The following SH2B1 variants were observed in gnomAD, a reference collection of about 807,000 sequenced individuals.
The protein encoded by SH2B1 is SH2B adapter protein 1.
SH2B1 carries 15 observed loss-of-function variants against 62.6 expected under a neutral mutation model. The observed-to-expected ratio is 0.24, with a 90% CI of 0.16 to 0.37. The LOEUF (loss-of-function observed/expected upper bound fraction) is 0.37. SH2B1 is among the 10% of genes least tolerant of loss of function. The pLI is 1.00. For missense variants in SH2B1, 925 were observed against 1,015.6 expected, an observed-to-expected ratio of 0.91 and a Z score of 1.21; for synonymous variants, 443 against 438.0, an observed-to-expected ratio of 1.01 and a Z score of -0.14.
At chr16:28,860,816 GT>G (rs57425948), upstream of SH2B1, among the ~76,000 whole-genome samples, 150,543 of 150,918 alleles carry the variant, frequency 1, 75,087 homozygotes, top group Middle Eastern at 1. Context: ...CTCCAGATTT[GT>G]TTTTTTTTTA....
chr16:28,858,567 A>G (rs1322589210), intron 1 of SH2B1, among the ~76,000 whole-genome samples: 1 of 152,082 alleles, frequency 6.6e-6, no homozygotes, highest in Non-Finnish European at 1.5e-5. Flanking sequence ...AGACATTTCT[A>G]TGACTCAGGA....
rs777829534 is a variant in SH2B1, at chr16:28,873,419, A to G, written c.1898-28A>G. On this transcript the variant is annotated intron_variant, in intron 7 of 7. Transcript: ENST00000684370. The surrounding 1 kb of genome is among the most constrained non-coding windows in gnomAD (Gnocchi z 4.2). ...CAGGAGCTCACCTGCCTCCACAATC[A>G]GTCTGTTTTCTTACCATTCCTATCC... 6.3e-7 allele frequency: 1 copy of G among 1,577,520 alleles called. No individual in the cohort carries two copies. Among genetic ancestry groups the G allele is most frequent in the Non-Finnish European group, 8.5e-7 (1 of 1,171,662 alleles).
rs1229381332 is a variant in SH2B1, at chr16:28,873,211, G to A, written c.1898-236G>A. 4 of 1,602,238 alleles carry A rather than the reference G, an allele frequency of 2.5e-6. No homozygotes were observed. Among genetic ancestry groups the A allele is most frequent in the Non-Finnish European group, 3.4e-6 (4 of 1,177,300 alleles). On this transcript the variant is annotated intron_variant, in intron 7 of 7. Transcript: ENST00000684370. The surrounding 1 kb of genome is among the most constrained non-coding windows in gnomAD (Gnocchi z 4.2). Reference sequence around the variant, plus strand: ...GAGCCATGCGGGGGTGTGCGAGGGAGATGGATGCCACCCCGATGCCTCCTG... The same window carrying A: ...GAGCCATGCGGGGGTGTGCGAGGGAAATGGATGCCACCCCGATGCCTCCTG...
chr16:28,851,630 T>C (rs1052829081), intron 1 of SH2B1, among the ~76,000 whole-genome samples: 1 of 150,984 alleles, frequency 6.6e-6, no homozygotes, highest in Non-Finnish European at 1.5e-5. Context: ...GCCCAGGTAA[T>C]TTTTTTGTAT....
In SH2B1 at chr16:28,866,224, C is replaced by A; in HGVS notation, c.130C>A (p.Arg44Ser). 6.2e-7 allele frequency: 1 copy of A among 1,610,002 alleles called. No homozygotes were observed. The highest frequency in any genetic ancestry group is 8.5e-7 in the Non-Finnish European group (1 of 1,179,110). The change falls in exon 1 of 8, where the codon CGT becomes AGT. Residue 44 changes from arginine (R) to serine (S), a missense_variant. Arg to Ser is a moderately radical substitution (Grantham distance 110, BLOSUM62 -1). Around this residue, in one of 3 missense-constraint regions of SH2B1, gnomAD observed 683 missense variants for 704.0 expected, o/e 0.97. Transcript: ENST00000684370. The surrounding 1 kb of genome is among the most constrained non-coding windows in gnomAD (Gnocchi z 6.3). ...GGCTGCGGCTCTGGACTTTGCCCGC[C>A]GTTTTCGCCTCTACCTGGCCTCCCA... ...ARAAALDFAR[R>S]FRLYLASHPQ... is the part of the protein sequence containing the mutation.
At chr16:28,853,163 T>C (rs1962243696) in intron 1 of SH2B1, among the ~76,000 whole-genome samples, 1 of 135,900 alleles carries the variant, frequency 7.4e-6, no homozygotes, top group Non-Finnish European at 1.5e-5. Context: ...AATGTATATA[T>C]AAATATATAT....
Position 28,863,890 on chromosome 16 carries a change from G to A in SH2B1, c.-2205G>A. ...CGTAGTGGGTGGGGGCGCAGGGAGC[G>A]GGAGCCGCCGCCGCCGCCGCCGCCG... On this transcript the variant is annotated 5_prime_UTR_variant, in exon 1 of 8. Coordinates refer to ENST00000684370, the MANE Select transcript of SH2B1 (RefSeq NM_001387430.1). 1.3e-6 allele frequency: 2 copies of A among 1,489,900 alleles called. No homozygotes were observed. The highest frequency in any genetic ancestry group is 2.5e-5 in the South Asian group (2 of 81,034). 92.3% of individuals were successfully genotyped at this position (1,489,900 alleles called of 1,614,324 possible).
chr16:28,854,691 G>A (rs1189716557), intron 1 of SH2B1, among the ~76,000 whole-genome samples: 1 of 152,124 alleles, frequency 6.6e-6, no homozygotes, highest in Non-Finnish European at 1.5e-5. Flanking sequence ...GGGAGTTCAA[G>A]GTTGCATTGA....
intron 4 of SH2B1, among the ~76,000 whole-genome samples, 190 bp downstream of exon 4, chr16:28,869,573 T>C (rs1962918292): frequency 1.3e-5 from 2 of 152,154 alleles, no homozygotes; most frequent in East Asian, 1.9e-4. Context: ...AGAATAATCA[T>C]GACCCCACGC....
intron 1 of SH2B1, among the ~76,000 whole-genome samples, chr16:28,853,537 G>A (rs1007639293): frequency 2.6e-5 from 1 of 39,200 alleles, no homozygotes; most frequent in African/African-American, 9.4e-5. Flanking sequence ...TTTTTTTTTT[G>A]TAGAGACGGG....
At position 28,864,684 on chromosome 16, in the gene SH2B1, G is replaced by C. The variant is rs946687857; in HGVS notation, c.-1411G>C. On this transcript the variant is annotated 5_prime_UTR_variant, in exon 1 of 8. Coordinates refer to ENST00000684370, the MANE Select transcript of SH2B1 (RefSeq NM_001387430.1). ...TGGGGCTGTCACCTTCCAGTATTGC[G>C]TGGCGGGAGGAGCGCTAACAAGAGC... is the stretch of plus-strand genomic sequence containing the variant. The C allele has an allele frequency of 3.0e-6, 3 of 984,722 alleles. No individual in the cohort carries two copies. Among genetic ancestry groups the C allele is most frequent in the Non-Finnish European group, 3.6e-6 (3 of 829,504 alleles). The allele number at this position is 984,722 out of a possible 1,614,324, so 61.0% of individuals were successfully genotyped here. A position where few individuals can be genotyped will look rare whatever the true frequency, so the allele number is the denominator to read the frequency against.
At chr16:28,848,667 CCTT>C (rs1168284831) in intron 1 of SH2B1, among the ~76,000 whole-genome samples, 2 of 127,904 alleles carry the variant, frequency 1.6e-5, no homozygotes, top group Admixed American at 1.7e-4. Context: ...ACCGCACTGT[CCTT>C]TTTTTTTTTT....
Position 28,872,789 on chromosome 16 carries a change from G to A in SH2B1, c.1897+84G>A. 6.5e-7 allele frequency: 1 copy of A among 1,537,110 alleles called. No individual in the cohort carries two copies. Among genetic ancestry groups the A allele is most frequent in the South Asian group, 1.2e-5 (1 of 86,826 alleles). ...TGTGCCAGAAAGATGGGGCGGGGAGGGGGGACTATCACAAGGAGAAGCTTT... is the reference window on the plus strand; with the variant it reads ...TGTGCCAGAAAGATGGGGCGGGGAGAGGGGACTATCACAAGGAGAAGCTTT... On this transcript the variant is annotated intron_variant, in intron 7 of 7. Transcript: ENST00000684370. This position sits in a 1 kb window ranked among gnomAD's most constrained non-coding sequence, Gnocchi z 5.3.
rs1323332950 is a variant in SH2B1 at position 28,853,176 on chromosome 16, A to G, written c.-301+6349A>G. On this transcript the variant is annotated intron_variant, in intron 1 of 10. Coordinates refer to the SH2B1 transcript ENST00000322610. ...TAAATGTATATATAAATATATATAT[A>G]TTTTTTGGGTACGGAGTCTTGCTCA... Among the ~76,000 whole-genome samples, 4 of 136,282 alleles carry G rather than the reference A, an allele frequency of 2.9e-5. No homozygotes were observed. The South Asian group carries it at 8.6e-4, about 29-fold the overall frequency. 89.4% of individuals were successfully genotyped at this position (136,282 alleles called of 152,430 possible).
At chr16:28,867,060 T>A in intron 1 of SH2B1, 27 bp downstream of exon 1, 8 of 1,598,184 alleles carry the variant, frequency 5.0e-6, no homozygotes, top group Non-Finnish European at 6.8e-6. Context: ...GGTGGGTGAC[T>A]GAGAGCAAGT....
Position 28,873,173 on chromosome 16 carries a change from G to A in SH2B1, c.1898-274G>A, listed in dbSNP as rs530325833. ...CCCACGTTGCCCCTCCCCCCAGGCC[G>A]GGAGCAGGCTGGGAGCCATGCGGGG... On this transcript the variant is annotated intron_variant, in intron 7 of 7. Transcript: ENST00000684370. This position sits in a 1 kb window ranked among gnomAD's most constrained non-coding sequence, Gnocchi z 4.2. 1.5e-5 allele frequency: 23 copies of A among 1,563,876 alleles called. No individual in the cohort carries two copies. The highest frequency in any genetic ancestry group is 4.1e-5 in the African/African-American group (3 of 73,872).
rs1048400801 is a variant in SH2B1, at chr16:28,869,292, C to T, written c.1218C>T (p.Ser406=). ...TCCTTACAAGGGAGAACACAGACAG[C>T]CTGGAGCTGTCCTGCCTGAATCACT... ...TSFLTRENTD[S]LELSCLNHSE... is the part of the protein sequence containing the mutation. The change falls in exon 4 of 8, where the codon AGC becomes AGT. Residue 406 remains serine (S), a synonymous_variant. Coordinates refer to ENST00000684370, the MANE Select transcript of SH2B1 (RefSeq NM_001387430.1). 1.2e-6 allele frequency: 2 copies of T among 1,614,042 alleles called. No homozygotes were observed. Among genetic ancestry groups the T allele is most frequent in the African/African-American group, 2.7e-5 (2 of 74,922 alleles).
chr16:28,868,163 A>G (rs11863370), intron 2 of SH2B1, among the ~76,000 whole-genome samples: 51,683 of 149,536 alleles, frequency 0.35, 9,455 homozygotes, highest in Admixed American at 0.41. Flanking sequence ...TTTTTGAGAC[A>G]GAGTCTCGCT....
At chr16:28,851,613 C>T (rs928250935) in intron 1 of SH2B1, among the ~76,000 whole-genome samples, 5 of 151,456 alleles carry the variant, frequency 3.3e-5, no homozygotes, top group African/African-American at 9.7e-5. Flanking sequence ...CAGGCGCCTG[C>T]CACCACGCCC....
Sources: gnomAD v4.1 joint callset for allele counts (sites outside exome capture counted in the v4.1 genomes callset) on GRCh38, gnomAD v4.1.1 for gene constraint, gnomAD v4.1.1 regional missense constraint, Gnocchi (gnomAD v3.1) non-coding constraint, MANE v1.5 for transcripts, NCBI Gene and HGNC (gene_info 2026-07-23, HGNC 2026-07-21) for gene names.